The following PRKN variants were observed in gnomAD, a reference collection of about 807,000 sequenced individuals.
PRKN encodes the protein parkin RBR E3 ubiquitin protein ligase.
PRKN carries 56 observed loss-of-function variants against 59.5 expected under a neutral mutation model. The observed-to-expected ratio is 0.94, with a 90% CI of 0.76 to 1.18. PRKN has a LOEUF of 1.18. Ranked by LOEUF, PRKN falls within the 50% of genes most tolerant of loss-of-function variation. The pLI is 0.00. For missense variants in PRKN, 657 were observed against 596.4 expected (o/e 1.10, Z -1.06); for synonymous variants, 250 against 222.1 (o/e 1.13, Z -1.12).
chr6:161,948,212 C>T (rs889096535), intron 6 of PRKN, among the ~76,000 whole-genome samples: 32 of 152,240 alleles, frequency 2.1e-4, no homozygotes, highest in African/African-American at 7.7e-4. Context: ...GTCTTGAACT[C>T]CTGACCTCAG....
rs2115154516 is a variant in PRKN at position 161,458,616 on chromosome 6, G to A, written c.1084-71739C>T. On this transcript the variant is annotated intron_variant, in intron 9 of 11. Coordinates refer to ENST00000366898, the MANE Select transcript of PRKN (RefSeq NM_004562.3). The surrounding 1 kb of genome is among the most constrained non-coding windows in gnomAD (Gnocchi z 6.1). Reference sequence around the variant, plus strand: ...TTAATAGCAAAGGAGCATTTCCAAGGTACAAAAACATTTCAGCCATTAAGC... The same window carrying A: ...TTAATAGCAAAGGAGCATTTCCAAGATACAAAAACATTTCAGCCATTAAGC... 6.6e-6 allele frequency among the ~76,000 whole-genome samples: 1 copy of A among 152,200 alleles called. No individual in the cohort carries two copies. Among genetic ancestry groups the A allele is most frequent in the African/African-American group, 2.4e-5 (1 of 41,534 alleles).
chr6:162,234,244 G>A (rs1316388943), intron 3 of PRKN, among the ~76,000 whole-genome samples: 6 of 152,120 alleles, frequency 3.9e-5, no homozygotes, highest in African/African-American at 1.4e-4. Flanking sequence ...GTCAAGGCTG[G>A]GCCACACTGA....
Position 161,581,059 on chromosome 6 carries a change from C to CACAT in PRKN, c.872-11644_872-11643insATGT, listed in dbSNP as rs1204685671. ...TCTACTAAACACACACACACACACA[C>CACAT]ACACACACACACACACAAAATAGCC... On this transcript the variant is annotated intron_variant, in intron 7 of 11. Transcript: ENST00000366898. The surrounding 1 kb of genome is among the most constrained non-coding windows in gnomAD (Gnocchi z 4.5). Among the ~76,000 whole-genome samples the CACAT allele has an allele frequency of 6.6e-6, 1 of 151,518 alleles. No individual in the cohort carries two copies. Among genetic ancestry groups the CACAT allele is most frequent in the Non-Finnish European group, 1.5e-5 (1 of 67,890 alleles).
intron 1 of PRKN, among the ~76,000 whole-genome samples, chr6:162,464,308 A>G (rs1349285405): frequency 1.3e-5 from 2 of 152,210 alleles, no homozygotes; most frequent in Non-Finnish European, 2.9e-5. Context: ...AGATGTCAAC[A>G]TATGAAAATT....
chr6:162,094,024 C>G (rs1779623498), intron 4 of PRKN, among the ~76,000 whole-genome samples: 1 of 152,120 alleles, frequency 6.6e-6, no homozygotes, highest in Non-Finnish European at 1.5e-5. Context: ...ACAAAGAAAA[C>G]CCAGCTCAAG....
rs138200261 is a variant in PRKN at position 162,580,032 on chromosome 6, C to T, written c.8-136559G>A. ...TTATTTTCTCAGTATAATACAACTCCTTTTAAGATCCAGTCCCATAGATGT... is the reference window on the plus strand; with the variant it reads ...TTATTTTCTCAGTATAATACAACTCTTTTTAAGATCCAGTCCCATAGATGT... On this transcript the variant is annotated intron_variant, in intron 1 of 11. Coordinates refer to ENST00000366898, the MANE Select transcript of PRKN (RefSeq NM_004562.3). 5.4e-3 allele frequency among the ~76,000 whole-genome samples: 825 copies of T among 152,298 alleles called. 9 individuals carry two copies. Among genetic ancestry groups the T allele is most frequent in the African/African-American group, 0.019 (789 of 41,566 alleles).
intron 1 of PRKN, among the ~76,000 whole-genome samples, chr6:162,447,560 T>G (rs963875894): frequency 2.6e-5 from 4 of 152,270 alleles, no homozygotes; most frequent in Middle Eastern, 3.4e-3. Flanking sequence ...TTTTTTATGA[T>G]ATCCCTAACC....
intron 4 of PRKN, among the ~76,000 whole-genome samples, chr6:162,184,317 T>A (rs756096666): frequency 3.0e-4 from 45 of 152,208 alleles, no homozygotes; most frequent in Non-Finnish European, 1.0e-4. Context: ...TCTTGATTAC[T>A]TCCAACATTT....
rs1781756960 is a variant in PRKN at position 161,592,420 on chromosome 6, G to A, written c.872-23004C>T. Among the ~76,000 whole-genome samples the A allele has an allele frequency of 6.6e-6, 1 of 152,014 alleles. No homozygotes were observed. The highest frequency in any genetic ancestry group is 1.5e-5 in the Non-Finnish European group (1 of 68,010). On this transcript the variant is annotated intron_variant, in intron 7 of 11. Coordinates refer to ENST00000366898, the MANE Select transcript of PRKN (RefSeq NM_004562.3). The surrounding 1 kb of genome is among the most constrained non-coding windows in gnomAD (Gnocchi z 4.8). ...TACTCTTCTGTTTATATAATGTGGG[G>A]CTAGTAGACGAAAGAATATCAATAT...
chr6:161,825,075 A>G (rs552597126), intron 6 of PRKN, among the ~76,000 whole-genome samples: 13 of 152,310 alleles, frequency 8.5e-5, no homozygotes, highest in African/African-American at 3.1e-4. Context: ...AAAACCATCA[A>G]TAATAAAAAT....
chr6:161,438,992 T>A (rs1195282097), intron 9 of PRKN, among the ~76,000 whole-genome samples: 6 of 151,860 alleles, frequency 4.0e-5, no homozygotes, highest in African/African-American at 1.5e-4. Context: ...AGTTTCAGAG[T>A]AGGCTATCTC....
intron 2 of PRKN, among the ~76,000 whole-genome samples, chr6:162,347,960 T>G (rs557439609): frequency 2.4e-4 from 37 of 152,264 alleles, no homozygotes; most frequent in African/African-American, 8.7e-4. Context: ...AGTGAGGAGA[T>G]AAAGCTGAGA....
chr6:161,729,629 T>C (rs28504483), intron 7 of PRKN, among the ~76,000 whole-genome samples: 2 of 152,216 alleles, frequency 1.3e-5, no homozygotes, highest in Admixed American at 6.5e-5. Context: ...CTGACTCAGA[T>C]GTGATGTGTG....
intron 6 of PRKN, among the ~76,000 whole-genome samples, chr6:161,786,678 T>C (rs1790433913): frequency 6.6e-6 from 1 of 152,164 alleles, no homozygotes; most frequent in South Asian, 2.1e-4. Flanking sequence ...GAAAAATTAC[T>C]ATTGCATCAA....
At chr6:162,124,890 T>C (rs1287790830) in intron 4 of PRKN, among the ~76,000 whole-genome samples, 1 of 152,020 alleles carries the variant, frequency 6.6e-6, no homozygotes, top group Non-Finnish European at 1.5e-5. Context: ...TCAGGGTTAG[T>C]CATGGAAGAA....
chr6:161,784,358 A>G (rs1438050552), intron 7 of PRKN, among the ~76,000 whole-genome samples: 5 of 152,224 alleles, frequency 3.3e-5, no homozygotes, highest in African/African-American at 4.8e-5. Flanking sequence ...TGAAAAGACA[A>G]CCTATAGAAT....
At chr6:161,558,744 A>G (rs145303788) in intron 8 of PRKN, among the ~76,000 whole-genome samples, 49 of 152,244 alleles carry the variant, frequency 3.2e-4, no homozygotes, top group African/African-American at 1.2e-3. Flanking sequence ...CATTTTCTAT[A>G]CGCATTAGAA....
intron 1 of PRKN, among the ~76,000 whole-genome samples, chr6:162,675,899 C>T (rs188584424): frequency 2.0e-5 from 3 of 152,224 alleles, no homozygotes; most frequent in Admixed American, 2.0e-4. Context: ...TAATGGAATA[C>T]TGACTTATAC....
intron 1 of PRKN, among the ~76,000 whole-genome samples, chr6:162,671,448 G>A (rs1312752233): frequency 1.3e-5 from 2 of 150,034 alleles, no homozygotes; most frequent in Non-Finnish European, 1.5e-5. Context: ...GCAGTGAGCC[G>A]AGATTGCGCC....
Sources: allele counts gnomAD v4.1 joint callset (sites outside exome capture counted in the v4.1 genomes callset), GRCh38; gene constraint gnomAD v4.1.1; non-coding constraint Gnocchi (gnomAD v3.1); transcripts MANE v1.5; gene names NCBI Gene and HGNC (gene_info 2026-07-23, HGNC 2026-07-21).